LRRC7: variants seen among roughly 807,000 people sequenced by gnomAD.
LRRC7 encodes leucine-rich repeat-containing protein 7.
LRRC7 carries 23 observed loss-of-function variants against 175.7 expected under a neutral mutation model. The ratio of observed to expected loss-of-function variants is 0.13; its 90% CI spans 0.09 to 0.19. The LOEUF is 0.19. LRRC7 is among the 10% of genes least tolerant of loss of function. The probability of loss-of-function intolerance (pLI) is 1.00; values close to 1 mark genes in which losing one functional copy is unlikely to be tolerated. For synonymous variants in LRRC7, 685 were observed against 680.9 expected, an observed-to-expected ratio of 1.01 and a Z score of -0.09; for missense variants, 1,354 against 1,904.7, an observed-to-expected ratio of 0.71 and a Z score of 5.38.
intron 4 of LRRC7, among the ~76,000 whole-genome samples, chr1:69,809,012 C>A (rs975511310): frequency 2.0e-5 from 3 of 151,780 alleles, no homozygotes; most frequent in African/African-American, 7.3e-5. Flanking sequence ...AAAAGATCAA[C>A]AAAATAGACT....
intron 7 of LRRC7, among the ~76,000 whole-genome samples, chr1:69,865,785 G>A (rs564234972): frequency 6.6e-6 from 1 of 151,886 alleles, no homozygotes; most frequent in African/African-American, 2.4e-5. Flanking sequence ...CGGCCCGACC[G>A]TTCCTTTTAT....
chr1:69,923,632 C>A (rs916230721), intron 7 of LRRC7, among the ~76,000 whole-genome samples: 1 of 152,106 alleles, frequency 6.6e-6, no homozygotes, highest in Admixed American at 6.5e-5. Context: ...GTCCTTTGCC[C>A]ACTTTTTGAT....
At chr1:69,667,626 G>C (rs896765235) in intron 1 of LRRC7, among the ~76,000 whole-genome samples, 2 of 152,076 alleles carry the variant, frequency 1.3e-5, no homozygotes, top group African/African-American at 4.8e-5. Context: ...AGGTACTCCT[G>C]CTCCGTTTTG....
intron 7 of LRRC7, among the ~76,000 whole-genome samples, chr1:69,878,287 A>C (rs1408045484): frequency 1.3e-5 from 2 of 151,252 alleles, no homozygotes; most frequent in Non-Finnish European, 2.9e-5. Flanking sequence ...AAAAAAAAAA[A>C]AAAACAAGAA....
At chr1:69,716,354 T>A (rs1314512135) in intron 2 of LRRC7, 2 of 399,586 alleles carry the variant, frequency 5.0e-6, no homozygotes, top group Non-Finnish European at 9.2e-6. Flanking sequence ...CTATATCACA[T>A]CACAAAAATA....
intron 11 of LRRC7, among the ~76,000 whole-genome samples, chr1:70,009,936 C>G (rs895122855): frequency 6.6e-6 from 1 of 151,996 alleles, no homozygotes; most frequent in Non-Finnish European, 1.5e-5. Flanking sequence ...CTCATCCCAC[C>G]CTCTCTATAA....
At chr1:69,772,185 A>C (rs1273589374) in intron 3 of LRRC7, among the ~76,000 whole-genome samples, 1 of 152,064 alleles carries the variant, frequency 6.6e-6, no homozygotes, top group Non-Finnish European at 1.5e-5. Flanking sequence ...AATTGCTGAG[A>C]GGGTACTTGA....
chr1:69,869,601 C>T (rs1377843489), intron 7 of LRRC7, among the ~76,000 whole-genome samples: 1 of 152,092 alleles, frequency 6.6e-6, no homozygotes, highest in Non-Finnish European at 1.5e-5. Context: ...AGCCCATCCT[C>T]ACATACCGAG....
intron 2 of LRRC7, among the ~76,000 whole-genome samples, chr1:69,680,461 A>G (rs2100611299): frequency 6.6e-6 from 1 of 152,236 alleles, no homozygotes; most frequent in African/African-American, 2.4e-5. Flanking sequence ...AATTCTCATC[A>G]ATTGGATTGT....
At chr1:69,678,127 C>T (rs1660025003) in intron 1 of LRRC7, among the ~76,000 whole-genome samples, 1 of 151,996 alleles carries the variant, frequency 6.6e-6, no homozygotes, top group Admixed American at 6.6e-5. Flanking sequence ...CCATGGCAGT[C>T]TCTAATTAGA....
chr1:69,685,095 C>T (rs1660971586), intron 2 of LRRC7, among the ~76,000 whole-genome samples: 1 of 152,128 alleles, frequency 6.6e-6, no homozygotes, highest in African/African-American at 2.4e-5. Flanking sequence ...GCGGATGACA[C>T]CAGCAGAGTT....
At chr1:69,695,637 A>T (rs1662485061) in intron 2 of LRRC7, among the ~76,000 whole-genome samples, 1 of 152,202 alleles carries the variant, frequency 6.6e-6, no homozygotes, top group Non-Finnish European at 1.5e-5. Flanking sequence ...TCATAGGCCC[A>T]GAGGTCTAGT....
chr1:69,959,117 C>G (rs1414564231), intron 8 of LRRC7, among the ~76,000 whole-genome samples: 1 of 151,950 alleles, frequency 6.6e-6, no homozygotes, highest in Non-Finnish European at 1.5e-5. Flanking sequence ...TTATTCAATC[C>G]CTATTTCAGG....
intron 24 of LRRC7, among the ~76,000 whole-genome samples, chr1:70,082,349 T>C (rs1663267056): frequency 6.6e-6 from 1 of 152,226 alleles, no homozygotes; most frequent in Non-Finnish European, 1.5e-5. Flanking sequence ...TCCTGTGCCT[T>C]ATCCTGTCCC....
chr1:69,601,833 T>C (rs1773318), intron 1 of LRRC7, among the ~76,000 whole-genome samples: 23,029 of 152,152 alleles, frequency 0.15, 1,929 homozygotes, highest in Admixed American at 0.19. Context: ...CATTTTCAAA[T>C]TTAAAATTTG....
chr1:69,617,243 G>A (rs1445534672), intron 1 of LRRC7, among the ~76,000 whole-genome samples: 1 of 152,004 alleles, frequency 6.6e-6, no homozygotes, highest in Non-Finnish European at 1.5e-5. Context: ...AGAATTTGGG[G>A]TTCAGTATTA....
intron 11 of LRRC7, among the ~76,000 whole-genome samples, chr1:69,995,574 C>A (rs1490118818): frequency 7.1e-6 from 1 of 140,342 alleles, no homozygotes; most frequent in East Asian, 2.3e-4. Context: ...CCACAATGGT[C>A]CCCAGAGTGT....
intron 1 of LRRC7, among the ~76,000 whole-genome samples, chr1:69,656,066 G>C (rs1267610275): frequency 1.3e-5 from 2 of 151,858 alleles, no homozygotes; most frequent in Admixed American, 6.6e-5. Context: ...AATGCCTTTT[G>C]TCAAAGAAAC....
At position 70,076,131 on chromosome 1, in the gene LRRC7, C is replaced by T. The variant is rs1024729333; in HGVS notation, c.4285C>T (p.Arg1429Trp). Residue 1429 changes from arginine (R) to tryptophan (W), a missense_variant, in exon 24 of 27, where the codon CGG becomes TGG. Transcript: ENST00000651989. ...MGSQSLQHRS[R>W]EQQPYEGNIN... is the part of the protein sequence containing the mutation. ...GTCCCAAAGCCTTCAGCATCGCAGC[C>T]GGGAGCAGCAGCCGTATGAAGGAAA... 5.6e-6 allele frequency: 9 copies of T among 1,613,896 alleles called. No individual in the cohort carries two copies. The highest frequency in any genetic ancestry group is 1.3e-5 in the African/African-American group (1 of 74,880).
Sources: gnomAD v4.1 joint callset for allele counts (sites outside exome capture counted in the v4.1 genomes callset) on GRCh38, gnomAD v4.1.1 for gene constraint, MANE v1.5 for transcripts, NCBI Gene and HGNC (gene_info 2026-07-23, HGNC 2026-07-21) for gene names.